Variants in ADAMTS17 observed in about 807,000 individuals in gnomAD.
ADAMTS17 encodes ADAM metallopeptidase with thrombospondin type 1 motif 17, also known as A disintegrin and metalloproteinase with thrombospondin motifs 17.
In ADAMTS17, 113 loss-of-function variants were observed where a neutral mutation model predicts 141.5. That is an observed-to-expected ratio of 0.80 (90% confidence interval 0.69 to 0.93). ADAMTS17 has a LOEUF of 0.93. Among genes scored for constraint, ADAMTS17 ranks in the 40% least tolerant of loss-of-function variants. The pLI is 0.00. For synonymous variants in ADAMTS17, 768 were observed against 630.6 expected (o/e 1.22, Z -3.27); for missense variants, 1,659 against 1,517.9 (o/e 1.09, Z -1.54).
intron 15 of ADAMTS17, among the ~76,000 whole-genome samples, chr15:100,087,154 G>A (rs879762020): frequency 1.3e-5 from 2 of 151,978 alleles, no homozygotes; most frequent in African/African-American, 2.4e-5. Flanking sequence ...AATGATAAAG[G>A]GGATATCACC....
chr15:100,028,303 C>T (rs2029865173), intron 18 of ADAMTS17, among the ~76,000 whole-genome samples: 1 of 152,144 alleles, frequency 6.6e-6, no homozygotes, highest in African/African-American at 2.4e-5. Flanking sequence ...TCTAGTTGTG[C>T]CAGGGGTTGA....
intron 8 of ADAMTS17, among the ~76,000 whole-genome samples, chr15:100,165,416 T>C (rs759898402): frequency 2.6e-5 from 4 of 152,298 alleles, no homozygotes; most frequent in Non-Finnish European, 5.9e-5. Context: ...GGGCATGCCA[T>C]GGCTTCATGA....
intron 15 of ADAMTS17, among the ~76,000 whole-genome samples, chr15:100,066,036 G>A (rs922977632): frequency 1.3e-5 from 2 of 152,152 alleles, no homozygotes; most frequent in Admixed American, 6.6e-5. Context: ...TCATCCATGT[G>A]ACTGCAAAGG....
intron 7 of ADAMTS17, among the ~76,000 whole-genome samples, chr15:100,218,925 G>A (rs901317419): frequency 2.0e-5 from 3 of 151,366 alleles, no homozygotes; most frequent in Middle Eastern, 3.4e-3. Context: ...ACATGCACAC[G>A]TCCATCTACA....
intron 7 of ADAMTS17, among the ~76,000 whole-genome samples, chr15:100,246,923 G>A (rs1012843747): frequency 2.7e-5 from 4 of 146,636 alleles, no homozygotes; most frequent in Non-Finnish European, 4.5e-5. Context: ...TCTCTCTGTC[G>A]CCCAGGCTGG....
intron 3 of ADAMTS17, among the ~76,000 whole-genome samples, chr15:100,288,786 A>T (rs1050325720): frequency 6.6e-6 from 1 of 152,226 alleles, no homozygotes; most frequent in Non-Finnish European, 1.5e-5. Flanking sequence ...GGCAGAAATC[A>T]ATGAATTTTT....
intron 7 of ADAMTS17, among the ~76,000 whole-genome samples, chr15:100,249,108 C>CT (rs1437592210): frequency 1.3e-5 from 2 of 152,136 alleles, no homozygotes; most frequent in Admixed American, 1.3e-4. Flanking sequence ...CCTGGTGTGA[C>CT]TTTTTGAAAG....
intron 3 of ADAMTS17, among the ~76,000 whole-genome samples, chr15:100,320,191 C>T (rs1407373525): frequency 1.3e-5 from 2 of 151,948 alleles, no homozygotes; most frequent in Non-Finnish European, 2.9e-5. Context: ...ACCAAAAACG[C>T]AAAAAGATGA....
chr15:100,188,087 T>A (rs1190523591), intron 8 of ADAMTS17, among the ~76,000 whole-genome samples: 4 of 151,884 alleles, frequency 2.6e-5, no homozygotes, highest in Admixed American at 2.6e-4. Context: ...CTCTTTTTTT[T>A]TTGTTTGAGG....
At position 100,157,681 on chromosome 15, in the gene ADAMTS17, C is replaced by CA. The variant is rs571623477; in HGVS notation, c.1182-2362dup. The stretch of plus-strand genomic sequence containing the variant: ...ATCTGTTTAATAGCAAAGAAAGTGC[C>CA]AAAAAAATACCGGACAACTCATATC... On this transcript the variant is annotated intron_variant, in intron 8 of 21. Coordinates refer to ENST00000268070, the MANE Select transcript of ADAMTS17 (RefSeq NM_139057.4). 2.2e-4 allele frequency among the ~76,000 whole-genome samples: 34 copies of CA among 151,988 alleles called. No individual in the cohort carries two copies. The South Asian group carries it at 6.9e-3, about 31-fold the overall frequency.
intron 16 of ADAMTS17, among the ~76,000 whole-genome samples, chr15:100,052,522 C>A (rs557999143): frequency 6.6e-6 from 1 of 152,234 alleles, no homozygotes; most frequent in African/African-American, 2.4e-5. Context: ...CTTTAACGGG[C>A]TAACCACTTG....
At chr15:100,096,330 C>CA (rs1457436507) in intron 15 of ADAMTS17, 26 bp downstream of exon 15, 1 of 1,612,218 alleles carries the variant, frequency 6.2e-7, no homozygotes, top group Non-Finnish European at 8.5e-7. Flanking sequence ...ACTGTAGCCA[C>CA]AGCAGCCCCA....
intron 8 of ADAMTS17, among the ~76,000 whole-genome samples, chr15:100,196,930 T>C (rs2041140719): frequency 6.6e-6 from 1 of 152,344 alleles, no homozygotes; most frequent in Admixed American, 6.5e-5. Flanking sequence ...GGCCAAATGC[T>C]AGCAAGATTT....
chr15:100,069,662 G>C (rs1055260474), intron 15 of ADAMTS17, among the ~76,000 whole-genome samples: 3 of 152,008 alleles, frequency 2.0e-5, no homozygotes, highest in African/African-American at 7.3e-5. Flanking sequence ...AAGTGAAGGA[G>C]AAATAAAATA....
chr15:100,206,305 T>C (rs767139766), intron 7 of ADAMTS17, among the ~76,000 whole-genome samples: 3 of 152,198 alleles, frequency 2.0e-5, no homozygotes, highest in Non-Finnish European at 2.9e-5. Flanking sequence ...CCGTCACCTG[T>C]GTGCAGGCTC....
At chr15:100,301,469 C>T (rs4965631) in intron 3 of ADAMTS17, among the ~76,000 whole-genome samples, 77,780 of 150,208 alleles carry the variant, frequency 0.52, 20,605 homozygotes, top group South Asian at 0.66. Flanking sequence ...GGACTACAGG[C>T]GCCCACCACC....
chr15:100,274,156 G>T (rs1661971794), intron 4 of ADAMTS17, among the ~76,000 whole-genome samples: 1 of 152,132 alleles, frequency 6.6e-6, no homozygotes, highest in Admixed American at 6.5e-5. Context: ...GTCTTCCATT[G>T]TTGTTGGGTA....
chr15:100,317,650 G>T (rs536009237), intron 3 of ADAMTS17, among the ~76,000 whole-genome samples: 8 of 152,152 alleles, frequency 5.3e-5, no homozygotes, highest in Non-Finnish European at 8.8e-5. Flanking sequence ...GAGCATTTTG[G>T]GGGGGACAAC....
At chr15:100,145,262 G>C (rs1040006603) in intron 10 of ADAMTS17, among the ~76,000 whole-genome samples, 1 of 152,148 alleles carries the variant, frequency 6.6e-6, no homozygotes, top group African/African-American at 2.4e-5. Context: ...GGGAGCCTAG[G>C]GCTTGGGAAC....
Sources: allele counts gnomAD v4.1 joint callset (sites outside exome capture counted in the v4.1 genomes callset), GRCh38; gene constraint gnomAD v4.1.1; transcripts MANE v1.5; gene names NCBI Gene and HGNC (gene_info 2026-07-23, HGNC 2026-07-21).